ATCAY: variants seen among roughly 807,000 people sequenced by gnomAD.
ATCAY encodes the protein ATCAY kinesin light chain interacting caytaxin.
In ATCAY, 22 loss-of-function variants were observed where a neutral mutation model predicts 47.7. The ratio of observed to expected loss-of-function variants is 0.46; its 90% CI spans 0.33 to 0.66. ATCAY has a LOEUF of 0.66. Among genes scored for constraint, ATCAY ranks in the 30% least tolerant of loss-of-function variants. The probability of loss-of-function intolerance (pLI) is 0.02; values close to 1 mark genes in which losing one functional copy is unlikely to be tolerated. For synonymous variants in ATCAY, 216 were observed against 207.6 expected (o/e 1.04, Z -0.35); for missense variants, 452 against 515.0 (o/e 0.88, Z 1.18).
chr19:3,902,577 C>G (rs2038824684), intron 3 of ATCAY, 32 bp downstream of exon 3: 1 of 1,553,614 alleles, frequency 6.4e-7, no homozygotes, highest in Non-Finnish European at 8.7e-7. Flanking sequence ...AGGGCGGAAA[C>G]AGGCTCAGTG....
chr19:3,912,818 G>A (rs1363121013), intron 8 of ATCAY, among the ~76,000 whole-genome samples: 1 of 152,032 alleles, frequency 6.6e-6, no homozygotes, highest in African/African-American at 2.4e-5. Flanking sequence ...CCAGGAGGTC[G>A]AGGCTGTAGT....
At chr19:3,898,234 G>A (rs954174429) in intron 2 of ATCAY, among the ~76,000 whole-genome samples, 1 of 151,980 alleles carries the variant, frequency 6.6e-6, no homozygotes, top group African/African-American at 2.4e-5. Flanking sequence ...ACCTAGGCTG[G>A]AGTGCAGTGG....
chr19:3,908,589 T>TTCC (rs1443520340), intron 6 of ATCAY, among the ~76,000 whole-genome samples: 22 of 146,858 alleles, frequency 1.5e-4, no homozygotes, highest in African/African-American at 5.3e-4. Context: ...GTCCTCCTCC[T>TTCC]CCTCCTCTTC....
Position 3,908,294 on chromosome 19 carries a change from A to C in ATCAY, c.571A>C (p.Ile191Leu). The change falls in exon 6 of 13, where the codon ATC (isoleucine) becomes CTC (leucine). Residue 191 changes from isoleucine (I) to leucine (L), a missense_variant. Coordinates refer to ENST00000450849, the MANE Select transcript of ATCAY (RefSeq NM_033064.5). ...GTACTACGGCGAAGGCCTCAACGCC[A>C]TCATCGTCTTCGCAGCCTGCTTCCT... ...GGYYGEGLNA[I>L]IVFAACFLPD... 1 of 1,584,512 alleles carries C rather than the reference A, an allele frequency of 6.3e-7. No individual in the cohort carries two copies. Among genetic ancestry groups the C allele is most frequent in the South Asian group, 1.2e-5 (1 of 86,678 alleles).
At chr19:3,915,717 AT>A (rs58629412) in intron 9 of ATCAY, among the ~76,000 whole-genome samples, 29,318 of 108,634 alleles carry the variant, frequency 0.27, 3,535 homozygotes, top group East Asian at 0.4. Flanking sequence ...TGCCCAGCTA[AT>A]TTTTTTTTTT....
chr19:3,915,748 T>C lies in ATCAY; in HGVS notation c.965+1892T>C, dbSNP rs1307761012. ...TTTTTTTTTTTTTTTGAGATGGAGT[T>C]TAACTCTTGTTGCCCAGGCTGGTCT... On this transcript the variant is annotated intron_variant, in intron 9 of 12. Transcript: ENST00000450849. Among the ~76,000 whole-genome samples, 4 of 141,882 alleles carry C rather than the reference T, an allele frequency of 2.8e-5. 1 individual carries two copies. The highest frequency in any genetic ancestry group is 2.4e-4 in the South Asian group (1 of 4,230). 93.1% of individuals were successfully genotyped at this position (141,882 alleles called of 152,430 possible).
chr19:3,912,321 T>C (rs1378208135), intron 8 of ATCAY, among the ~76,000 whole-genome samples: 1 of 151,650 alleles, frequency 6.6e-6, no homozygotes, highest in Admixed American at 6.6e-5. Context: ...AAAAAAAATT[T>C]TTTTTTTTTT....
intron 8 of ATCAY, among the ~76,000 whole-genome samples, chr19:3,912,553 G>A (rs769108784): frequency 4.6e-5 from 7 of 151,892 alleles, no homozygotes; most frequent in Non-Finnish European, 8.8e-5. Flanking sequence ...TTCGTGATCC[G>A]CCTGCCTTGG....
intron 3 of ATCAY, among the ~76,000 whole-genome samples, chr19:3,903,266 G>A (rs2038830447): frequency 2.0e-5 from 3 of 151,262 alleles, no homozygotes; most frequent in African/African-American, 4.9e-5. Context: ...GAGCCACCAC[G>A]CCTGGCATGT....
intron 2 of ATCAY, among the ~76,000 whole-genome samples, chr19:3,894,689 C>T (rs2038751317): frequency 6.6e-6 from 1 of 150,824 alleles, no homozygotes; most frequent in South Asian, 2.1e-4. Context: ...CAGCTCACTC[C>T]TGTAATCCCA....
chr19:3,916,521 T>A (rs2038967269), intron 9 of ATCAY, among the ~76,000 whole-genome samples: 1 of 152,108 alleles, frequency 6.6e-6, no homozygotes, highest in Admixed American at 6.6e-5. Context: ...TGAGACGGAG[T>A]CTCACTCTGT....
chr19:3,910,928 AGTGTGCGT>A (rs772696146), intron 8 of ATCAY, 39 bp downstream of exon 8: 17 of 1,593,818 alleles, frequency 1.1e-5, no homozygotes, highest in Non-Finnish European at 1.4e-5. Flanking sequence ...CAGTGGCCTC[AGTGTGCGT>A]GTGTGCGTGT....
rs34258948 is a variant in ATCAY, at chr19:3,885,109, TAAAAA to T, written c.-41-596_-41-592del. 9.5e-4 allele frequency among the ~76,000 whole-genome samples: 67 copies of T among 70,316 alleles called. No homozygotes were observed. The East Asian group carries it at 0.022, about 23-fold the overall frequency. The allele number at this position is 70,316 out of a possible 152,430, so 46.1% of individuals were successfully genotyped here. A position where few individuals can be genotyped will look rare whatever the true frequency, so the allele number is the denominator to read the frequency against. On this transcript the variant is annotated intron_variant, in intron 1 of 12. Transcript: ENST00000450849. Reference sequence around the variant, plus strand: ...CAGAGCAAGATCATGTTTTTTTTTTTAAAAAAAAAAAAAAAAAAAAAAAAAACAGC... The same window carrying T: ...CAGAGCAAGATCATGTTTTTTTTTTTAAAAAAAAAAAAAAAAAAAAACAGC...
rs180939466 is a variant in ATCAY at position 3,913,614 on chromosome 19, G to C, written c.867-144G>C. 500 of 631,032 alleles carry C rather than the reference G, an allele frequency of 7.9e-4. 5 individuals are homozygous for C. Among genetic ancestry groups the C allele is most frequent in the African/African-American group, 6.7e-3 (371 of 55,146 alleles). The allele number at this position is 631,032 out of a possible 1,614,324, so 39.1% of individuals were successfully genotyped here. A position where few individuals can be genotyped will look rare whatever the true frequency, so the allele number is the denominator to read the frequency against. ...AAGATAATTAAGGCTGTCATCGGGC[G>C]GGAGGGAGGTGTCGTCGTCTGCACT... On this transcript the variant is annotated intron_variant, in intron 8 of 12. Transcript: ENST00000450849.
rs369643907 is a variant in ATCAY, at chr19:3,901,964, C to T, written c.78-523C>T. Among the ~76,000 whole-genome samples the T allele has an allele frequency of 2.6e-5, 4 of 152,086 alleles. No individual in the cohort carries two copies. The South Asian group carries it at 8.3e-4, about 32-fold the overall frequency. On this transcript the variant is annotated intron_variant, in intron 2 of 12. Transcript: ENST00000450849. ...TGAGCCGAGATCATGCCACTCTACT[C>T]CATCCAGCCTGGGCGACAGAGCGAG...
At chr19:3,890,645 G>A (rs1157635323) in intron 2 of ATCAY, among the ~76,000 whole-genome samples, 2 of 152,178 alleles carry the variant, frequency 1.3e-5, no homozygotes, top group East Asian at 3.8e-4. Flanking sequence ...GCAAATGCAA[G>A]CTGGAGGCCC....
At chr19:3,911,170 G>A (rs955318942) in intron 8 of ATCAY, among the ~76,000 whole-genome samples, 5 of 152,278 alleles carry the variant, frequency 3.3e-5, no homozygotes, top group African/African-American at 1.2e-4. Context: ...TTTGAGGCCA[G>A]CCTGAGCAAC....
At chr19:3,922,147 G>A (rs950140651) in intron 12 of ATCAY, 2 of 702,464 alleles carry the variant, frequency 2.8e-6, no homozygotes, top group African/African-American at 3.5e-5. Context: ...CTGTCTGCAT[G>A]GCTTTTCTTA....
chr19:3,908,413 T>C (rs748300098), intron 6 of ATCAY, 43 bp downstream of exon 6: 1 of 1,496,604 alleles, frequency 6.7e-7, no homozygotes, highest in South Asian at 1.2e-5. Context: ...CCAGCTCTGA[T>C]GCCTCCCTGG....
Sources: allele counts gnomAD v4.1 joint callset (sites outside exome capture counted in the v4.1 genomes callset), GRCh38; gene constraint gnomAD v4.1.1; transcripts MANE v1.5; gene names NCBI Gene and HGNC (gene_info 2026-07-23, HGNC 2026-07-21).